Variants in LAMA1 observed in about 807,000 individuals in gnomAD.
The protein encoded by LAMA1 is laminin subunit alpha-1.
LAMA1 carries 219 observed loss-of-function variants against 348.7 expected under a neutral mutation model. The observed-to-expected ratio is 0.63, with a 90% CI of 0.56 to 0.70. The LOEUF (loss-of-function observed/expected upper bound fraction) is 0.70. LAMA1 is among the 30% of genes least tolerant of loss of function. The pLI is 0.00. For synonymous variants in LAMA1, 1,487 were observed against 1,491.0 expected (o/e 1.00, Z 0.06); for missense variants, 3,744 against 3,888.0 (o/e 0.96, Z 0.99).
At chr18:7,075,305 G>A (rs147549688) in intron 3 of LAMA1, among the ~76,000 whole-genome samples, 8 of 152,094 alleles carry the variant, frequency 5.3e-5, no homozygotes, top group East Asian at 1.9e-4. Flanking sequence ...AAAGAGGAGG[G>A]GGGGGAAGTT....
intron 19 of LAMA1, among the ~76,000 whole-genome samples, chr18:7,020,314 A>G (rs1252551952): frequency 1.3e-5 from 2 of 152,146 alleles, no homozygotes; most frequent in Non-Finnish European, 2.9e-5. Flanking sequence ...CCAAGCTTCA[A>G]GTGAGTGAGA....
At position 7,038,953 on chromosome 18, in the gene LAMA1, G is replaced by A. The variant is rs767089378; in HGVS notation, c.1423-3C>T. The A allele has an allele frequency of 2.9e-5, 46 of 1,611,242 alleles. No individual in the cohort carries two copies. The East Asian group carries it at 4.0e-4, about 14-fold the overall frequency. On this transcript the variant is annotated splice_polypyrimidine_tract_variant and splice_region_variant and intron_variant, in intron 10 of 62. Coordinates refer to ENST00000389658, the MANE Select transcript of LAMA1 (RefSeq NM_005559.4). ...CAGGCCTTCCCCTCAACGTTTTCCT[G>A]TAAGTTAGGGTAAAAGATTAGCTTT...
At chr18:6,994,320 A>G (rs1160565732) in intron 34 of LAMA1, among the ~76,000 whole-genome samples, 1 of 152,218 alleles carries the variant, frequency 6.6e-6, no homozygotes, top group Non-Finnish European at 1.5e-5. Context: ...AGAGGCTGAC[A>G]CTTAGCTGTC....
intron 60 of LAMA1, 115 bp from the exon 61 acceptor site, chr18:6,947,411 G>T: frequency 8.1e-7 from 1 of 1,232,940 alleles, no homozygotes; most frequent in Non-Finnish European, 1.2e-6. Context: ...TTTGGATCCA[G>T]CTGCATCCCC....
At chr18:6,976,705 T>C (rs1158579408) in intron 44 of LAMA1, among the ~76,000 whole-genome samples, 1 of 151,932 alleles carries the variant, frequency 6.6e-6, no homozygotes, top group Non-Finnish European at 1.5e-5. Flanking sequence ...CTCCTAGGCT[T>C]GAGCAATCCT....
Position 7,036,045 on chromosome 18 carries a change from T to C in LAMA1, c.1781A>G (p.Asp594Gly). The change falls in exon 13 of 63, where the codon GAT becomes GGT. Residue 594 changes from aspartate to glycine, a missense_variant. Asp to Gly is a moderately conservative substitution (Grantham distance 94, BLOSUM62 -1). Coordinates refer to ENST00000389658, the MANE Select transcript of LAMA1 (RefSeq NM_005559.4). ...GGFLKYTVSY[D>G]IPVETVDSNL... ...ACTGTCTACCGTCTCTACCGGAATA[T>C]CGTAGGACACCGTGTATTTCAGGAA... 2 of 1,614,184 alleles carry C rather than the reference T, an allele frequency of 1.2e-6. No individual in the cohort carries two copies. The highest frequency in any genetic ancestry group is 1.7e-6 in the Non-Finnish European group (2 of 1,180,020).
intron 57 of LAMA1, among the ~76,000 whole-genome samples, chr18:6,952,689 G>C (rs2057552333): frequency 6.6e-6 from 1 of 152,250 alleles, no homozygotes; most frequent in Non-Finnish European, 1.5e-5. Flanking sequence ...AGCGTGATGA[G>C]ATCTCATGCC....
chr18:7,041,216 T>C (rs1011877378), intron 9 of LAMA1, among the ~76,000 whole-genome samples: 25 of 152,138 alleles, frequency 1.6e-4, no homozygotes, highest in African/African-American at 5.5e-4. Flanking sequence ...TTGCTTTTAA[T>C]GTCAGTTTTG....
rs757530556 is a variant in LAMA1 at position 6,977,855 on chromosome 18, C to A, written c.6217G>T (p.Asp2073Tyr). ...ATLLAGRKVK[D>Y]VEIQANLLFD... The stretch of plus-strand genomic sequence containing the variant: ...AAAAGGTTGGCTTGAATTTCCACGT[C>A]TTTGACTTTTCTTCCAGCCAACAGA... The change falls in exon 44 of 63, where the codon GAC (aspartate) becomes TAC (tyrosine). Residue 2073 changes from aspartate to tyrosine, a missense_variant. Around this residue, in one of 3 missense-constraint regions of LAMA1, gnomAD observed 1,983 missense variants for 1,934.3 expected, o/e 1.03. Coordinates refer to ENST00000389658, the MANE Select transcript of LAMA1 (RefSeq NM_005559.4). 6.2e-7 allele frequency: 1 copy of A among 1,613,366 alleles called. No individual in the cohort carries two copies. Among genetic ancestry groups the A allele is most frequent in the South Asian group, 1.1e-5 (1 of 91,058 alleles).
rs575236501 is a variant in LAMA1, at chr18:6,951,060, C to T, written c.8208-89G>A. ...AAAGAGGACCCAACAATTGTTTCAG[C>T]GTTTACATTGAACATCTCAGGAGAG... On this transcript the variant is annotated intron_variant, in intron 57 of 62. Transcript: ENST00000389658. 275 of 1,192,720 alleles carry T rather than the reference C, an allele frequency of 2.3e-4. 1 individual carries two copies. The South Asian group carries it at 2.3e-3, about 10-fold the overall frequency. The allele number at this position is 1,192,720 out of a possible 1,614,324, so 73.9% of individuals were successfully genotyped here. A position where few individuals can be genotyped will look rare whatever the true frequency, so the allele number is the denominator to read the frequency against.
intron 54 of LAMA1, 103 bp from the exon 55 acceptor site, chr18:6,958,765 G>C (rs1018623177): frequency 1.0e-6 from 1 of 992,628 alleles, no homozygotes; most frequent in African/African-American, 1.6e-5. Context: ...AATAATAAAA[G>C]TTCCCTAAAG....
At position 6,942,136 on chromosome 18, in the gene LAMA1, G is replaced by T; in HGVS notation, c.9171C>A (p.Ser3057Arg). Residue 3057 changes from serine (S) to arginine (R), a missense_variant, in exon 63 of 63, where the codon AGC becomes AGA. By Grantham distance (110) the Ser-to-Arg change is moderately radical (BLOSUM62 -1). Transcript: ENST00000389658. ...KSPQVQSFDFSRAFELHGVFL... is the reference protein window; with the variant it reads ...KSPQVQSFDFRRAFELHGVFL... ...AAACTCCGTGCAGTTCGAACGCTCT[G>T]CTGAAGTCAAAGGACTGCACCTGCG... 1 of 1,614,160 alleles carries T rather than the reference G, an allele frequency of 6.2e-7. No individual in the cohort carries two copies. The highest frequency in any genetic ancestry group is 8.5e-7 in the Non-Finnish European group (1 of 1,180,034).
chr18:7,021,082 G>A lies in LAMA1; in HGVS notation c.2701+2082C>T, dbSNP rs373529949. Among the ~76,000 whole-genome samples the A allele has an allele frequency of 9.2e-5, 14 of 152,134 alleles. No homozygotes were observed. The South Asian group carries it at 1.9e-3, about 20-fold the overall frequency. ...TCACTCTCTCTCCAGTGTCTACCTC[G>A]GGCAGGGCCTGCCTACTTGCCTGGG... On this transcript the variant is annotated intron_variant, in intron 19 of 62. Coordinates refer to ENST00000389658, the MANE Select transcript of LAMA1 (RefSeq NM_005559.4).
chr18:6,994,613 G>A (rs2057772570), intron 34 of LAMA1, among the ~76,000 whole-genome samples: 1 of 151,862 alleles, frequency 6.6e-6, no homozygotes, highest in Admixed American at 6.6e-5. Flanking sequence ...GTTTGTGTAT[G>A]TGTGCATGTG....
chr18:6,956,302 C>G (rs2057577277), intron 56 of LAMA1: 1 of 416,950 alleles, frequency 2.4e-6, no homozygotes. Flanking sequence ...TGCACAATGG[C>G]TTTACATGAA....
At chr18:6,999,001 C>G (rs1191483626) in intron 32 of LAMA1, among the ~76,000 whole-genome samples, 2 of 152,082 alleles carry the variant, frequency 1.3e-5, no homozygotes, top group African/African-American at 2.4e-5. Flanking sequence ...CTACTGCACT[C>G]CAGCCTGGGG....
intron 16 of LAMA1, among the ~76,000 whole-genome samples, chr18:7,029,607 A>T (rs909544137): frequency 1.3e-5 from 2 of 152,018 alleles, no homozygotes; most frequent in African/African-American, 4.8e-5. Flanking sequence ...CCAGCCCTTT[A>T]CCTGACTGTC....
rs768739584 is a variant in LAMA1, at chr18:7,117,618, G to A, written c.61+42C>T. 2.5e-6 allele frequency: 4 copies of A among 1,584,070 alleles called. No homozygotes were observed. In the African/African-American group the frequency reaches 5.4e-5, roughly 22 times the overall value. ...TGTCCGCGGCCGCCCCCGCCCGCCC[G>A]CCTGCGGGGGACAGGGACCCTAGGA... On this transcript the variant is annotated intron_variant, in intron 1 of 62. Coordinates refer to ENST00000389658, the MANE Select transcript of LAMA1 (RefSeq NM_005559.4).
chr18:7,068,196 C>A (rs889289521), intron 3 of LAMA1, among the ~76,000 whole-genome samples: 1 of 152,098 alleles, frequency 6.6e-6, no homozygotes, highest in African/African-American at 2.4e-5. Context: ...CTGAAGTGTT[C>A]TCTGTGCACC....
Sources: allele counts gnomAD v4.1 joint callset (sites outside exome capture counted in the v4.1 genomes callset), GRCh38; gene constraint gnomAD v4.1.1; regional missense constraint gnomAD v4.1.1; transcripts MANE v1.5; gene names NCBI Gene and HGNC (gene_info 2026-07-23, HGNC 2026-07-21).